GPHN: variants seen among roughly 807,000 people sequenced by gnomAD.
GPHN encodes the protein gephyrin.
Under a neutral mutation model 95.5 loss-of-function variants are expected in GPHN, and 17 were observed. The observed-to-expected ratio is 0.18, with a 90% CI of 0.12 to 0.27. GPHN has a LOEUF of 0.27. GPHN is among the 10% of genes least tolerant of loss of function. The pLI is 1.00. For synonymous variants in GPHN, 320 were observed against 322.5 expected (o/e 0.99, Z 0.08); for missense variants, 660 against 978.1 (o/e 0.67, Z 4.34).
chr14:67,128,282 A>T (rs2079460933), intron 17 of GPHN, among the ~76,000 whole-genome samples: 1 of 149,446 alleles, frequency 6.7e-6, no homozygotes. Flanking sequence ...TTTGAGACGG[A>T]GTCTCGCTCT....
intron 2 of GPHN, among the ~76,000 whole-genome samples, chr14:66,695,751 A>G (rs901955887): frequency 1.5e-4 from 23 of 152,250 alleles, no homozygotes; most frequent in African/African-American, 5.3e-4. Context: ...AAAGCAGCCA[A>G]TCTGCAAAAG....
At chr14:67,582,106 C>A in the GPHN span, 2 of 1,613,038 alleles carry the variant, frequency 1.2e-6, no homozygotes, top group Admixed American at 1.7e-5. This position sits in a 1 kb window ranked among gnomAD's most constrained non-coding sequence, Gnocchi z 5.0. Context: ...GGAGACGGAC[C>A]GAGAACGGCT....
the GPHN span, among the ~76,000 whole-genome samples, chr14:67,689,762 G>A: frequency 6.6e-6 from 1 of 152,100 alleles, no homozygotes; most frequent in Admixed American, 6.5e-5. Flanking sequence ...TGACCAACAT[G>A]GTGAAATCCT....
chr14:67,228,186 G>T, the GPHN span, among the ~76,000 whole-genome samples: 3 of 146,152 alleles, frequency 2.1e-5, no homozygotes, highest in Middle Eastern at 3.3e-3. Context: ...AAAAAAAAAA[G>T]AAATTAAGTT....
the GPHN span, among the ~76,000 whole-genome samples, chr14:67,474,205 T>C: frequency 1.3e-5 from 2 of 151,816 alleles, no homozygotes; most frequent in African/African-American, 4.8e-5. Flanking sequence ...TGAGCCAAGA[T>C]TGCGCCACTG....
the GPHN span, among the ~76,000 whole-genome samples, chr14:67,604,967 T>G: frequency 9.8e-5 from 15 of 152,296 alleles, 1 homozygote; most frequent in South Asian, 3.1e-3. Context: ...GTTGTTCTAT[T>G]TTGTCTTCCC....
At chr14:66,894,991 A>G (rs575171262) in intron 5 of GPHN, among the ~76,000 whole-genome samples, 52 of 152,376 alleles carry the variant, frequency 3.4e-4, no homozygotes, top group Admixed American at 9.8e-4. Flanking sequence ...CATTTGACCC[A>G]GCCATCCCAT....
At chr14:67,244,438 A>C in the GPHN span, among the ~76,000 whole-genome samples, 1 of 152,224 alleles carries the variant, frequency 6.6e-6, no homozygotes, top group Non-Finnish European at 1.5e-5. Context: ...AATTTTTGCT[A>C]ATCTGGTGGA....
chr14:66,620,675 C>T (rs1016041471), intron 1 of GPHN, among the ~76,000 whole-genome samples: 14 of 152,042 alleles, frequency 9.2e-5, no homozygotes, highest in African/African-American at 2.2e-4. Context: ...TATCTCTGAC[C>T]GCTCTCAAAT....
chr14:67,385,117 G>C, the GPHN span: 1 of 152,090 alleles, frequency 6.6e-6, no homozygotes, highest in Non-Finnish European at 1.5e-5. Flanking sequence ...ATTGACCCTA[G>C]CCAGAGAATA....
intron 21 of GPHN, 110 bp downstream of exon 21, chr14:67,169,146 G>C: frequency 1.3e-6 from 1 of 759,496 alleles, no homozygotes; most frequent in South Asian, 1.4e-5. Context: ...AGTTTTGATG[G>C]AAAATGTGAT....
intron 10 of GPHN, among the ~76,000 whole-genome samples, chr14:67,036,552 A>G: frequency 9.8e-6 from 1 of 102,474 alleles, no homozygotes; most frequent in East Asian, 4.2e-4. Flanking sequence ...GAGAAACACT[A>G]ACTGTTAAAG....
At chr14:67,141,357 T>G (rs1245464585) in intron 17 of GPHN, among the ~76,000 whole-genome samples, 1 of 152,220 alleles carries the variant, frequency 6.6e-6, no homozygotes, top group Non-Finnish European at 1.5e-5. Context: ...TGTGTGTTAC[T>G]CATGAGTATT....
chr14:67,412,495 A>C, the GPHN span, among the ~76,000 whole-genome samples: 1 of 152,150 alleles, frequency 6.6e-6, no homozygotes, highest in Non-Finnish European at 1.5e-5. Flanking sequence ...CATTGCAAGT[A>C]GGAGATGGGA....
the GPHN span, among the ~76,000 whole-genome samples, chr14:67,634,787 A>G: frequency 6.6e-6 from 1 of 152,236 alleles, no homozygotes; most frequent in Non-Finnish European, 1.5e-5. Flanking sequence ...GGCAGAACCT[A>G]AGAGATTACA....
intron 4 of GPHN, among the ~76,000 whole-genome samples, chr14:66,851,764 T>C (rs925003693): frequency 6.6e-6 from 1 of 152,124 alleles, no homozygotes; most frequent in Non-Finnish European, 1.5e-5. Flanking sequence ...TTTCAAAAGA[T>C]ATTAAACAAG....
the GPHN span, among the ~76,000 whole-genome samples, chr14:67,622,284 C>A: frequency 6.6e-6 from 1 of 152,154 alleles, no homozygotes; most frequent in South Asian, 2.1e-4. Flanking sequence ...AGTTAACTCC[C>A]CACTGTTGCT....
In GPHN at chr14:67,181,030, G is replaced by C; in HGVS notation, c.*93G>C. 8.4e-7 allele frequency: 1 copy of C among 1,195,934 alleles called. No homozygotes were observed. Among genetic ancestry groups the C allele is most frequent in the Non-Finnish European group, 1.2e-6 (1 of 807,822 alleles). 74.1% of individuals were successfully genotyped at this position (1,195,934 alleles called of 1,614,324 possible). ...CGGCACAGCTAGTTTTCCCGATTTG[G>C]ATAAAAGTTGATCTGTATAGTCAAC... is the stretch of plus-strand genomic sequence containing the variant. On this transcript the variant is annotated 3_prime_UTR_variant, in exon 23 of 23. Coordinates refer to ENST00000478722, the MANE Select transcript of GPHN (RefSeq NM_020806.5).
intron 11 of GPHN, among the ~76,000 whole-genome samples, chr14:67,087,048 A>AC (rs1269515982): frequency 1.3e-5 from 2 of 151,748 alleles, no homozygotes; most frequent in East Asian, 3.9e-4. Context: ...AAAAAAAAAA[A>AC]AAAAAAAACT....
Sources: gnomAD v4.1 joint callset for allele counts (sites outside exome capture counted in the v4.1 genomes callset) on GRCh38, gnomAD v4.1.1 for gene constraint, Gnocchi (gnomAD v3.1) non-coding constraint, MANE v1.5 for transcripts, NCBI Gene and HGNC (gene_info 2026-07-23, HGNC 2026-07-21) for gene names.